THRB: variants seen among roughly 807,000 people sequenced by gnomAD.
THRB encodes the protein thyroid hormone receptor beta, also known as nuclear receptor subfamily 1 group A member 2.
A neutral mutation model predicts 47.8 loss-of-function variants in THRB; 12 were observed. The ratio of observed to expected loss-of-function variants is 0.25; its 90% CI spans 0.16 to 0.41. THRB has a LOEUF of 0.41. THRB is among the 10% of genes least tolerant of loss of function. THRB has a pLI of 1.00. For missense variants in THRB, 348 were observed against 589.2 expected (o/e 0.59, Z 4.24); for synonymous variants, 218 against 212.2 (o/e 1.03, Z -0.24).
chr3:24,452,788 A>G (rs564078101), intron 1 of THRB, among the ~76,000 whole-genome samples: 1 of 152,280 alleles, frequency 6.6e-6, no homozygotes, highest in African/African-American at 2.4e-5. Flanking sequence ...TCTTTTTGCT[A>G]TATCTGCAAC....
intron 1 of THRB, among the ~76,000 whole-genome samples, chr3:24,400,716 CA>C (rs1482709146): frequency 2.0e-5 from 3 of 152,002 alleles, no homozygotes; most frequent in Non-Finnish European, 4.4e-5. Flanking sequence ...AATTCACCAG[CA>C]AAATGGGGTT....
chr3:24,222,413 A>G (rs1483481224), intron 4 of THRB, among the ~76,000 whole-genome samples: 1 of 152,110 alleles, frequency 6.6e-6, no homozygotes, highest in Non-Finnish European at 1.5e-5. Context: ...AGGTGGAGGT[A>G]GTAGTGGGGA....
chr3:24,471,194 A>T (rs2074541855), intron 1 of THRB, among the ~76,000 whole-genome samples: 1 of 152,176 alleles, frequency 6.6e-6, no homozygotes, highest in South Asian at 2.1e-4. Flanking sequence ...TAGAAAGCAG[A>T]AGTTTCCAGG....
chr3:24,427,908 G>A (rs533717398), intron 1 of THRB, among the ~76,000 whole-genome samples: 4 of 152,080 alleles, frequency 2.6e-5, no homozygotes, highest in Non-Finnish European at 5.9e-5. Flanking sequence ...AAGAGACTTA[G>A]ATTTGAAAAT....
At chr3:24,451,912 A>G (rs535474075) in intron 1 of THRB, among the ~76,000 whole-genome samples, 13 of 152,302 alleles carry the variant, frequency 8.5e-5, no homozygotes, top group African/African-American at 3.1e-4. Flanking sequence ...TTCAACTTCT[A>G]TGTTGCAACA....
intron 5 of THRB, among the ~76,000 whole-genome samples, chr3:24,163,471 G>T (rs17014260): frequency 1.3e-5 from 2 of 152,200 alleles, no homozygotes; most frequent in South Asian, 2.1e-4. Flanking sequence ...AGCCTGAAAC[G>T]TTCTGCAGGA....
At chr3:24,346,086 G>C (rs1051381229) in intron 1 of THRB, among the ~76,000 whole-genome samples, 6 of 152,010 alleles carry the variant, frequency 3.9e-5, no homozygotes, top group African/African-American at 1.4e-4. Flanking sequence ...ATGAACAACA[G>C]AAATGGTAAA....
chr3:24,175,380 T>G (rs374067739), intron 5 of THRB, among the ~76,000 whole-genome samples: 69 of 152,312 alleles, frequency 4.5e-4, no homozygotes, highest in African/African-American at 1.6e-3. Flanking sequence ...GATCAAGGGT[T>G]TTATTCTGAC....
chr3:24,117,548 T>G lies in THRB; in HGVS notation c.*5336A>C, dbSNP rs1347243480. On this transcript the variant is annotated 3_prime_UTR_variant, in exon 11 of 11. Coordinates refer to ENST00000646209, the MANE Select transcript of THRB (RefSeq NM_001354712.2). ...ATTAGGCCAGAATTTTCATTAGAAT[T>G]GTTGGAGAAAAGAAATTCTCCTTTC... The G allele has an allele frequency of 6.6e-6, 1 of 152,252 alleles. No individual in the cohort carries two copies. Among genetic ancestry groups the G allele is most frequent in the Non-Finnish European group, 1.5e-5 (1 of 68,056 alleles). 9.4% of individuals were successfully genotyped at this position (152,252 alleles called of 1,614,324 possible). A position where few individuals can be genotyped will look rare whatever the true frequency, so the allele number is the denominator to read the frequency against.
At chr3:24,211,067 T>C (rs1326095052) in intron 4 of THRB, among the ~76,000 whole-genome samples, 1 of 151,870 alleles carries the variant, frequency 6.6e-6, no homozygotes, top group Non-Finnish European at 1.5e-5. Context: ...GGTGTGGCGG[T>C]AGGTTGCCTG....
chr3:24,214,011 C>T (rs2046320508), intron 4 of THRB, among the ~76,000 whole-genome samples: 1 of 152,176 alleles, frequency 6.6e-6, no homozygotes, highest in African/African-American at 2.4e-5. Context: ...AGACATGATG[C>T]TATGCACATT....
intron 2 of THRB, among the ~76,000 whole-genome samples, chr3:24,322,217 G>C (rs1247628180): frequency 3.3e-5 from 5 of 152,068 alleles, no homozygotes; most frequent in African/African-American, 1.2e-4. Flanking sequence ...AATTATACAG[G>C]TATACACTTC....
At chr3:24,467,061 A>G (rs2074212801) in intron 1 of THRB, among the ~76,000 whole-genome samples, 1 of 152,242 alleles carries the variant, frequency 6.6e-6, no homozygotes, top group Non-Finnish European at 1.5e-5. Context: ...TATATCAACT[A>G]AGTTTATGGA....
At chr3:24,332,104 AGATTGTAGATAG>A (rs2061966298) in intron 2 of THRB, among the ~76,000 whole-genome samples, 1 of 152,130 alleles carries the variant, frequency 6.6e-6, no homozygotes. Flanking sequence ...TCGGTAGATG[AGATTGTAGATAG>A]AAGTTGCTTG....
intron 1 of THRB, among the ~76,000 whole-genome samples, chr3:24,353,837 T>C (rs1249412140): frequency 6.6e-6 from 1 of 152,158 alleles, no homozygotes. Context: ...GCATAGCAAA[T>C]TTTAAACACT....
intron 4 of THRB, among the ~76,000 whole-genome samples, chr3:24,215,311 C>T (rs1489453155): frequency 6.6e-6 from 1 of 152,174 alleles, no homozygotes; most frequent in African/African-American, 2.4e-5. Context: ...ATGCTATCTG[C>T]CCCCATTTTA....
intron 1 of THRB, among the ~76,000 whole-genome samples, chr3:24,417,263 T>C (rs1015734709): frequency 2.6e-5 from 4 of 151,912 alleles, no homozygotes; most frequent in Non-Finnish European, 5.9e-5. Context: ...CAAGTAGGCT[T>C]GAGAGAACAC....
chr3:24,143,765 C>A (rs1008061352), intron 7 of THRB, 59 bp from the exon 8 acceptor site: 56 of 1,572,916 alleles, frequency 3.6e-5, no homozygotes, highest in Non-Finnish European at 1.4e-5. Context: ...ACACAGCAAG[C>A]TGCACTTCCT....
At chr3:24,372,091 GA>G (rs1319294409) in intron 1 of THRB, among the ~76,000 whole-genome samples, 1 of 152,090 alleles carries the variant, frequency 6.6e-6, no homozygotes, top group Non-Finnish European at 1.5e-5. Context: ...CTGTGAGACA[GA>G]TGGAGCAGGT....
Sources: gnomAD v4.1 joint callset for allele counts (sites outside exome capture counted in the v4.1 genomes callset) on GRCh38, gnomAD v4.1.1 for gene constraint, MANE v1.5 for transcripts, NCBI Gene and HGNC (gene_info 2026-07-23, HGNC 2026-07-21) for gene names.